Variants in GGA2 observed in about 807,000 individuals in gnomAD.
The protein encoded by GGA2 is ADP-ribosylation factor-binding protein GGA2.
In GGA2, 48 loss-of-function variants were observed where a neutral mutation model predicts 79.5. That is an observed-to-expected ratio of 0.60 (90% CI 0.48 to 0.77). The LOEUF is 0.77. Among genes scored for constraint, GGA2 ranks in the 30% least tolerant of loss-of-function variants. The probability of loss-of-function intolerance (pLI) is 0.00; values close to 1 mark genes in which losing one functional copy is unlikely to be tolerated. For missense variants in GGA2, 770 were observed against 774.0 expected (o/e 0.99, Z 0.06); for synonymous variants, 317 against 302.0 (o/e 1.05, Z -0.51).
intron 1 of GGA2, among the ~76,000 whole-genome samples, chr16:23,499,916 CCG>C (rs1190674070): frequency 6.6e-6 from 1 of 152,148 alleles, no homozygotes; most frequent in South Asian, 2.1e-4. Flanking sequence ...GCCTAGGCTC[CCG>C]CATCACGATG....
At chr16:23,469,960 C>G in intron 15 of GGA2, 36 bp downstream of exon 15, 1 of 1,425,510 alleles carries the variant, frequency 7.0e-7, no homozygotes. Flanking sequence ...TCAAAAACGA[C>G]AGCCATTACT....
intron 1 of GGA2, among the ~76,000 whole-genome samples, chr16:23,500,736 G>A (rs1031059459): frequency 3.9e-5 from 6 of 152,248 alleles, no homozygotes; most frequent in East Asian, 1.9e-4. Flanking sequence ...TGGCAGTAGC[G>A]CCACACCCCA....
upstream of GGA2, among the ~76,000 whole-genome samples, chr16:23,512,610 A>G (rs1965079553): frequency 6.7e-6 from 1 of 149,758 alleles, no homozygotes; most frequent in African/African-American, 2.5e-5. Context: ...TTGCACATCC[A>G]TTTCAACATT....
chr16:23,480,831 C>T, intron 9 of GGA2, 61 bp from the exon 10 acceptor site: 1 of 1,531,874 alleles, frequency 6.5e-7, no homozygotes, highest in South Asian at 1.1e-5. Context: ...TCAGTCTTTT[C>T]TAAGCTTTTC....
intron 8 of GGA2, 103 bp from the exon 9 acceptor site, chr16:23,483,107 G>T: frequency 1.4e-6 from 1 of 720,006 alleles, no homozygotes; most frequent in Non-Finnish European, 2.5e-6. Flanking sequence ...AGAGTCTGGG[G>T]CTTCAGAAGG....
intron 7 of GGA2, 144 bp from the exon 8 acceptor site, chr16:23,486,296 G>A: frequency 1.4e-6 from 1 of 711,834 alleles, no homozygotes; most frequent in South Asian, 1.8e-5. Flanking sequence ...CTCACACAGT[G>A]GGTGAAAAAA....
intron 1 of GGA2, among the ~76,000 whole-genome samples, chr16:23,506,993 T>C (rs376018575): frequency 6.6e-6 from 1 of 152,106 alleles, no homozygotes; most frequent in Non-Finnish European, 1.5e-5. Context: ...AGTTCCCCAA[T>C]GGAACATCAA....
At chr16:23,470,883 G>A (rs1964503146) in intron 14 of GGA2, among the ~76,000 whole-genome samples, 1 of 120,784 alleles carries the variant, frequency 8.3e-6, no homozygotes, top group Non-Finnish European at 1.6e-5. Context: ...AGGCTGGAAT[G>A]CAATGGCATG....
upstream of GGA2, among the ~76,000 whole-genome samples, chr16:23,513,704 G>C (rs968728606): frequency 2.0e-5 from 3 of 149,806 alleles, no homozygotes; most frequent in African/African-American, 7.4e-5. Flanking sequence ...AGGACCACTT[G>C]AGCCTGGGAG....
At chr16:23,473,884 C>G (rs986357774) in intron 14 of GGA2, among the ~76,000 whole-genome samples, 1 of 152,084 alleles carries the variant, frequency 6.6e-6, no homozygotes, top group African/African-American at 2.4e-5. Context: ...GTGCAAAGAG[C>G]TCCCATTGTT....
At chr16:23,508,405 C>T (rs1401143473) in intron 1 of GGA2, among the ~76,000 whole-genome samples, 1 of 152,100 alleles carries the variant, frequency 6.6e-6, no homozygotes, top group Non-Finnish European at 1.5e-5. Flanking sequence ...TTCTCCATTG[C>T]CTCCTAAAAC....
rs778698998 is a variant in GGA2, at chr16:23,470,098, C to G, written c.1518G>C (p.Thr506=). 16 of 1,610,294 alleles carry G rather than the reference C, an allele frequency of 9.9e-6. No homozygotes were observed. The South Asian group carries it at 1.8e-4, about 18-fold the overall frequency. The change falls in exon 15 of 17, where the codon ACG becomes ACC. Residue 506 remains threonine (T), a synonymous_variant. Transcript: ENST00000309859. ...GFRILLHFSQ[T]GAPGHPEVQV... The stretch of plus-strand genomic sequence containing the variant: ...GTACCTCTGGGTGCCCAGGGGCTCC[C>G]GTCTGGGAGAAGTGGAGCAGAATTC...
chr16:23,468,051 G>A (rs189373630), intron 16 of GGA2, among the ~76,000 whole-genome samples: 4 of 152,220 alleles, frequency 2.6e-5, no homozygotes, highest in Middle Eastern at 3.4e-3. Context: ...AGACTCCAGC[G>A]AGGGATATTC....
At chr16:23,499,424 G>A (rs910307855) in intron 1 of GGA2, among the ~76,000 whole-genome samples, 1 of 152,056 alleles carries the variant, frequency 6.6e-6, no homozygotes, top group Non-Finnish European at 1.5e-5. Flanking sequence ...GATTACAGGT[G>A]TGAGCTACCA....
chr16:23,476,043 C>T (rs942656133), intron 13 of GGA2, among the ~76,000 whole-genome samples: 2 of 152,154 alleles, frequency 1.3e-5, no homozygotes, highest in African/African-American at 4.8e-5. Context: ...TCGGGCAGTC[C>T]CTGACAATAA....
chr16:23,483,780 C>A (rs749117944), intron 8 of GGA2, among the ~76,000 whole-genome samples: 1 of 151,580 alleles, frequency 6.6e-6, no homozygotes, highest in Non-Finnish European at 1.5e-5. Context: ...CCTGAGTAGC[C>A]GGGATTACAG....
In GGA2 at chr16:23,467,634, C is replaced by T. The variant is rs750145020; in HGVS notation, c.1798G>A (p.Glu600Lys). 1.9e-6 allele frequency: 3 copies of T among 1,609,116 alleles called. No individual in the cohort carries two copies. The highest frequency in any genetic ancestry group is 4.5e-5 in the East Asian group (2 of 44,872). Residue 600 changes from glutamate to lysine, a missense_variant, in exon 17 of 17, where the codon GAA (glutamate) becomes AAA (lysine). Glu to Lys is a moderately conservative substitution (Grantham distance 56, BLOSUM62 1). Transcript: ENST00000309859. ...QGGQPFSEVG[E>K]VKDFPDLAVL... is the part of the protein sequence containing the mutation. Reference sequence around the variant, plus strand: ...GCCAGGTCTGGGAAGTCTTTCACTTCTCCTACTTCGCTGAAAGGCTGTCCA... The same window carrying T: ...GCCAGGTCTGGGAAGTCTTTCACTTTTCCTACTTCGCTGAAAGGCTGTCCA...
At chr16:23,515,144 G>A (rs1020666338), upstream of GGA2, among the ~76,000 whole-genome samples, 1 of 150,364 alleles carries the variant, frequency 6.7e-6, no homozygotes, top group Non-Finnish European at 1.5e-5. Context: ...TAATCTAAAA[G>A]AGATAATATA....
upstream of GGA2, among the ~76,000 whole-genome samples, chr16:23,512,700 CTTTTTTTTTTTT>C (rs34027000): frequency 2.0e-4 from 11 of 55,932 alleles, 1 homozygote; most frequent in African/African-American, 7.8e-4. Context: ...TAAAGAAAAT[CTTTTTTTTTTTT>C]TTTTTTTTTT....
Sources: gnomAD v4.1 joint callset for allele counts (sites outside exome capture counted in the v4.1 genomes callset) on GRCh38, gnomAD v4.1.1 for gene constraint, MANE v1.5 for transcripts, NCBI Gene and HGNC (gene_info 2026-07-23, HGNC 2026-07-21) for gene names.